Variants in YWHAH observed in about 807,000 individuals in gnomAD.
YWHAH encodes the protein tyrosine 3-monooxygenase/tryptophan 5-monooxygenase activation protein eta, also known as 14-3-3 protein eta.
A neutral mutation model predicts 22.9 loss-of-function variants in YWHAH; 6 were observed. The observed-to-expected ratio is 0.26, with a 90% confidence interval of 0.14 to 0.52. YWHAH has a LOEUF of 0.52. Among genes scored for constraint, YWHAH ranks in the 20% least tolerant of loss-of-function variants. The pLI, the probability that YWHAH is intolerant of heterozygous loss-of-function variation, is 0.97. For missense variants in YWHAH, 173 were observed against 308.6 expected (o/e 0.56, Z 3.29); for synonymous variants, 135 against 124.5 (o/e 1.08, Z -0.56).
At chr22:31,950,286 G>T in intron 1 of YWHAH, 1 of 777,798 alleles carries the variant, frequency 1.3e-6, no homozygotes, top group Non-Finnish European at 2.4e-6. Context: ...TTTTATGCAG[G>T]CCCCAAAATT....
rs59662844 is a variant in YWHAH at position 31,956,087 on chromosome 22, A to G, written c.88-52A>G. The G allele has an allele frequency of 6.5e-7, 1 of 1,539,204 alleles. No homozygotes were observed. Among genetic ancestry groups the G allele is most frequent in the Non-Finnish European group, 8.7e-7 (1 of 1,146,356 alleles). Reference sequence around the variant, plus strand: ...GATTATGTTGAAGGGAAGGCTTCTTACCAAGATTTTCAGATTTTGCTTTCA... The same window carrying G: ...GATTATGTTGAAGGGAAGGCTTCTTGCCAAGATTTTCAGATTTTGCTTTCA... On this transcript the variant is annotated intron_variant, in intron 1 of 1. Coordinates refer to ENST00000248975, the MANE Select transcript of YWHAH (RefSeq NM_003405.4). This position sits in a 1 kb window ranked among gnomAD's most constrained non-coding sequence, Gnocchi z 5.1.
At chr22:31,949,981 GAAC>G (rs1293637452) in intron 1 of YWHAH, among the ~76,000 whole-genome samples, 2 of 141,340 alleles carry the variant, frequency 1.4e-5, no homozygotes, top group African/African-American at 5.1e-5. Context: ...ATACGATTAA[GAAC>G]AATCTGCCAT....
chr22:31,949,451 A>G (rs1194184926), intron 1 of YWHAH, among the ~76,000 whole-genome samples: 1 of 151,160 alleles, frequency 6.6e-6, no homozygotes, highest in African/African-American at 2.4e-5. Context: ...GTTAGAACTT[A>G]TTTAACTTTT....
intron 1 of YWHAH, among the ~76,000 whole-genome samples, chr22:31,954,260 T>TG (rs972654365): frequency 4.6e-5 from 7 of 152,240 alleles, no homozygotes; most frequent in Admixed American, 6.5e-5. Flanking sequence ...TGCTTTGCTT[T>TG]CTTTTTTTTC....
chr22:31,947,078 C>T (rs1305844940), intron 1 of YWHAH, among the ~76,000 whole-genome samples: 2 of 152,166 alleles, frequency 1.3e-5, no homozygotes, highest in Non-Finnish European at 2.9e-5. Context: ...AGATTAAATT[C>T]TTAATGTTAC....
chr22:31,948,996 T>C (rs1238262743), intron 1 of YWHAH, among the ~76,000 whole-genome samples: 1 of 152,154 alleles, frequency 6.6e-6, no homozygotes, highest in Non-Finnish European at 1.5e-5. Context: ...GGATTTTCTT[T>C]AGTTGGTCTT....
chr22:31,945,620 C>G, intron 1 of YWHAH: 1 of 1,297,486 alleles, frequency 7.7e-7, no homozygotes, highest in Non-Finnish European at 1.0e-6. Flanking sequence ...CACACACCAC[C>G]TGCATTTCTG....
At chr22:31,945,492 AC>A in intron 1 of YWHAH, 1 of 1,303,614 alleles carries the variant, frequency 7.7e-7, no homozygotes, top group Middle Eastern at 2.1e-4. Context: ...ATGAAACGTG[AC>A]TTCTAGGTGA....
intron 1 of YWHAH, among the ~76,000 whole-genome samples, chr22:31,949,856 T>G (rs1475960839): frequency 6.6e-6 from 1 of 152,220 alleles, no homozygotes; most frequent in African/African-American, 2.4e-5. Flanking sequence ...CTAGTATACA[T>G]TCTGGTATAT....
rs114160430 is a variant in YWHAH, at chr22:31,947,882, C to T, written c.87+3062C>T. Among the ~76,000 whole-genome samples the T allele has an allele frequency of 4.5e-3, 689 of 152,282 alleles. 5 individuals are homozygous for T. The highest frequency in any genetic ancestry group is 0.016 in the African/African-American group (658 of 41,564). On this transcript the variant is annotated intron_variant, in intron 1 of 1. Transcript: ENST00000248975. The stretch of plus-strand genomic sequence containing the variant: ...GGATATTCATAGACAGACATAATTT[C>T]ATCATGTATTATGGCCCTAAGTCAT...
Position 31,956,953 on chromosome 22 carries a change from A to G in YWHAH, c.*161A>G. The stretch of plus-strand genomic sequence containing the variant: ...TCTCTTGGGAAGCAGTTTCAGATAA[A>G]TCATGGGCATTGCTGGACTGATGGT... On this transcript the variant is annotated 3_prime_UTR_variant, in exon 2 of 2. Transcript: ENST00000248975. This position sits in a 1 kb window ranked among gnomAD's most constrained non-coding sequence, Gnocchi z 5.1. 1 of 918,718 alleles carries G rather than the reference A, an allele frequency of 1.1e-6. No individual in the cohort carries two copies. Among genetic ancestry groups the G allele is most frequent in the South Asian group, 1.8e-5 (1 of 56,016 alleles). The allele number at this position is 918,718 out of a possible 1,614,324, so 56.9% of individuals were successfully genotyped here. A position where few individuals can be genotyped will look rare whatever the true frequency, so the allele number is the denominator to read the frequency against.
intron 1 of YWHAH, among the ~76,000 whole-genome samples, chr22:31,946,958 A>G (rs771761458): frequency 1.2e-4 from 18 of 152,230 alleles, no homozygotes; most frequent in Non-Finnish European, 1.8e-4. Context: ...TTTCTCCCCC[A>G]TCATCTAAAT....
intron 1 of YWHAH, among the ~76,000 whole-genome samples, chr22:31,952,819 G>GT (rs2149468204): frequency 6.6e-6 from 1 of 152,324 alleles, no homozygotes; most frequent in African/African-American, 2.4e-5. Flanking sequence ...CAAACTTCAC[G>GT]TTAGTAGGAA....
intron 1 of YWHAH, among the ~76,000 whole-genome samples, chr22:31,950,592 G>C (rs907808574): frequency 6.6e-6 from 1 of 152,196 alleles, no homozygotes; most frequent in Non-Finnish European, 1.5e-5. Context: ...GGCAAAAACA[G>C]TCTCTTGGCT....
At chr22:31,949,260 C>T (rs1171268581) in intron 1 of YWHAH, among the ~76,000 whole-genome samples, 2 of 151,028 alleles carry the variant, frequency 1.3e-5, no homozygotes, top group Admixed American at 6.6e-5. Flanking sequence ...CTGCCTCAGC[C>T]TCCCAAGTAG....
rs1224182234 is a variant in YWHAH at position 31,956,952 on chromosome 22, A to G, written c.*160A>G. The G allele has an allele frequency of 1.1e-6, 1 of 932,212 alleles. No homozygotes were observed. Among genetic ancestry groups the G allele is most frequent in the East Asian group, 2.7e-5 (1 of 37,400 alleles). 57.7% of individuals were successfully genotyped at this position (932,212 alleles called of 1,614,324 possible). On this transcript the variant is annotated 3_prime_UTR_variant, in exon 2 of 2. Coordinates refer to ENST00000248975, the MANE Select transcript of YWHAH (RefSeq NM_003405.4). The surrounding 1 kb of genome is among the most constrained non-coding windows in gnomAD (Gnocchi z 5.1). Reference sequence around the variant, plus strand: ...GTCTCTTGGGAAGCAGTTTCAGATAAATCATGGGCATTGCTGGACTGATGG... The same window carrying G: ...GTCTCTTGGGAAGCAGTTTCAGATAGATCATGGGCATTGCTGGACTGATGG...
chr22:31,949,387 A>T (rs1279374271), intron 1 of YWHAH, among the ~76,000 whole-genome samples: 2 of 151,516 alleles, frequency 1.3e-5, no homozygotes, highest in African/African-American at 4.8e-5. Context: ...CAGGTTATCC[A>T]CCTGCCTCGG....
chr22:31,947,766 C>A (rs905259831), intron 1 of YWHAH, among the ~76,000 whole-genome samples: 4 of 152,134 alleles, frequency 2.6e-5, no homozygotes, highest in Admixed American at 2.0e-4. Flanking sequence ...CATTTGATAA[C>A]TGAAATAAAC....
Position 31,956,525 on chromosome 22 carries a change from T to A in YWHAH, c.474T>A (p.Phe158Leu). 6.2e-7 allele frequency: 1 copy of A among 1,614,208 alleles called. No individual in the cohort carries two copies. Among genetic ancestry groups the A allele is most frequent in the Non-Finnish European group, 8.5e-7 (1 of 1,180,032 alleles). ...CTGAAGCTGCCTACAAGGAAGCCTT[T>A]GAAATCAGCAAAGAGCAGATGCAAC... Reference protein sequence around the residue: ...EASEAAYKEAFEISKEQMQPT... With the variant: ...EASEAAYKEALEISKEQMQPT... Residue 158 changes from phenylalanine (F) to leucine (L), a missense_variant, in exon 2 of 2, where the codon TTT (phenylalanine) becomes TTA (leucine). Phe to Leu is a conservative substitution (Grantham distance 22). Transcript: ENST00000248975. This position sits in a 1 kb window ranked among gnomAD's most constrained non-coding sequence, Gnocchi z 5.1.
Sources: allele counts gnomAD v4.1 joint callset (sites outside exome capture counted in the v4.1 genomes callset), GRCh38; gene constraint gnomAD v4.1.1; non-coding constraint Gnocchi (gnomAD v3.1); transcripts MANE v1.5; gene names NCBI Gene and HGNC (gene_info 2026-07-23, HGNC 2026-07-21).